Variants in DACT1 observed in about 807,000 individuals in gnomAD.
DACT1 encodes the protein dapper homolog 1.
In DACT1, 19 loss-of-function variants were observed where a neutral mutation model predicts 35.3. The observed-to-expected ratio is 0.54, with a 90% CI of 0.38 to 0.79. The LOEUF (loss-of-function observed/expected upper bound fraction) is 0.79. Ranked by LOEUF, DACT1 falls within the 30% of genes least tolerant of loss-of-function variation. DACT1 has a pLI of 0.00. For synonymous variants in DACT1, 545 were observed against 466.7 expected, an observed-to-expected ratio of 1.17 and a Z score of -2.16; for missense variants, 1,143 against 1,057.5, an observed-to-expected ratio of 1.08 and a Z score of -1.12.
chr14:58,642,202 G>T (rs1387303769), intron 3 of DACT1, among the ~76,000 whole-genome samples: 2 of 152,032 alleles, frequency 1.3e-5, no homozygotes, highest in African/African-American at 4.8e-5. Context: ...ACCAGCCTGG[G>T]TTGGCCCGGT....
chr14:58,638,737 C>T (rs973585715), intron 1 of DACT1, 190 bp downstream of exon 1: 2 of 1,188,774 alleles, frequency 1.7e-6, no homozygotes, highest in Non-Finnish European at 2.1e-6. Context: ...CCGACGCCCA[C>T]GCGTTTCTGG....
upstream of DACT1, among the ~76,000 whole-genome samples, chr14:58,635,030 T>C (rs1029980768): frequency 6.6e-6 from 1 of 152,170 alleles, no homozygotes; most frequent in Non-Finnish European, 1.5e-5. Flanking sequence ...GAGTGTCAAT[T>C]AACAGTTTTT....
chr14:58,637,758 G>C (rs754074849), upstream of DACT1, among the ~76,000 whole-genome samples: 6 of 151,672 alleles, frequency 4.0e-5, no homozygotes, highest in East Asian at 1.9e-4. Context: ...CCCGCGAAGA[G>C]AGCGGGGGAG....
At chr14:58,642,666 C>G (rs1365612275) in intron 3 of DACT1, among the ~76,000 whole-genome samples, 1 of 152,168 alleles carries the variant, frequency 6.6e-6, no homozygotes, top group Non-Finnish European at 1.5e-5. Context: ...TGCACTCCAG[C>G]CTGGGCAACA....
In DACT1 at chr14:58,645,825, C is replaced by T. The variant is rs776634909; in HGVS notation, c.1091C>T (p.Pro364Leu). The change falls in exon 4 of 4, where the codon CCC becomes CTC. Residue 364 changes from proline to leucine, a missense_variant. Physicochemically the swap from Pro to Leu is moderately conservative, Grantham distance 98. Transcript: ENST00000395153. ...AAGAATTCGAAACAGGCGTGTCTGC[C>T]CTCTGGCGGGATACCTTCTCTGAAC... ...NLKNSKQACL[P>L]SGGIPSLNNG... is the part of the protein sequence containing the mutation. 17 of 1,614,146 alleles carry T rather than the reference C, an allele frequency of 1.1e-5. No homozygotes were observed. The Admixed American group carries it at 2.2e-4, about 21-fold the overall frequency.
chr14:58,647,423 C>T lies in DACT1; in HGVS notation c.*289C>T. On this transcript the variant is annotated 3_prime_UTR_variant, in exon 4 of 4. Coordinates refer to ENST00000395153, the MANE Select transcript of DACT1 (RefSeq NM_001079520.2). ...TATTTTAAACTTTCTGAGCATCCGG[C>T]AAGGTACAGGTTTTGATGTTCAAGT... 1 of 395,336 alleles carries T rather than the reference C, an allele frequency of 2.5e-6. No individual in the cohort carries two copies. Among genetic ancestry groups the T allele is most frequent in the Non-Finnish European group, 4.7e-6 (1 of 212,904 alleles). The allele number at this position is 395,336 out of a possible 1,614,324, so 24.5% of individuals were successfully genotyped here.
chr14:58,639,354 T>G (rs1003714203), intron 1 of DACT1: 1 of 774,674 alleles, frequency 1.3e-6, no homozygotes, highest in Non-Finnish European at 1.6e-6. Flanking sequence ...TGTAGCTTAA[T>G]GTATTGATGA....
rs1206194152 is a variant in DACT1, at chr14:58,638,164, C to T, written c.-39C>T. 2.0e-4 allele frequency: 256 copies of T among 1,268,100 alleles called. 2 individuals carry two copies. The highest frequency in any genetic ancestry group is 1.1e-5 in the Non-Finnish European group (11 of 1,007,408). 78.6% of individuals were successfully genotyped at this position (1,268,100 alleles called of 1,614,324 possible). The stretch of plus-strand genomic sequence containing the variant: ...CGCCCTGCTCCTCCGCCTGGGCGGC[C>T]CGGCTGCGGTGACGGCTCTCGCTGC... On this transcript the variant is annotated 5_prime_UTR_variant, in exon 1 of 4. Coordinates refer to ENST00000395153, the MANE Select transcript of DACT1 (RefSeq NM_001079520.2).
Position 58,638,342 on chromosome 14 carries a change from G to C in DACT1, c.140G>C (p.Arg47Pro). Residue 47 changes from arginine to proline, a missense_variant, in exon 1 of 4, where the codon CGG (arginine) becomes CCG (proline). By Grantham distance (103) the Arg-to-Pro change is moderately radical (BLOSUM62 -2). Around this residue, in one of 3 missense-constraint regions of DACT1, gnomAD observed 85 missense variants for 81.8 expected, o/e 1.04. Transcript: ENST00000395153. ...ACCGAGCGGCAGCGCACCCGGGAGC[G>C]GCAGGAGGCCACGCTGGCCGGGCTG... ...ADTERQRTRE[R>P]QEATLAGLAE... is the part of the protein sequence containing the mutation. 34 of 1,311,972 alleles carry C rather than the reference G, an allele frequency of 2.6e-5. No homozygotes were observed. The highest frequency in any genetic ancestry group is 3.3e-5 in the Non-Finnish European group (34 of 1,035,668). 81.3% of individuals were successfully genotyped at this position (1,311,972 alleles called of 1,614,324 possible). A position where few individuals can be genotyped will look rare whatever the true frequency, so the allele number is the denominator to read the frequency against.
chr14:58,639,304 T>C, intron 1 of DACT1: 2 of 974,264 alleles, frequency 2.1e-6, no homozygotes, highest in Non-Finnish European at 2.4e-6. Flanking sequence ...TGTCTCAGTC[T>C]TTCTATGCAG....
At position 58,641,625 on chromosome 14, in the gene DACT1, C is replaced by T; in HGVS notation, c.512C>T (p.Ser171Phe). The change falls in exon 3 of 4, where the codon TCC becomes TTC. Residue 171 changes from serine (S) to phenylalanine (F), a missense_variant. This residue lies in a region of DACT1 where 1,054 missense variants were observed against 958.8 expected (regional missense o/e 1.10). Transcript: ENST00000395153. ...FYELSDGASGSLSNSSNSVFS... is the reference protein window; with the variant it reads ...FYELSDGASGFLSNSSNSVFS... ...GAGCTGAGTGATGGGGCTTCAGGAT[C>T]CCTTTCCAATTCCTCTAACTCGGTG... is the stretch of plus-strand genomic sequence containing the variant. 1 of 1,614,124 alleles carries T rather than the reference C, an allele frequency of 6.2e-7. No homozygotes were observed. Among genetic ancestry groups the T allele is most frequent in the Non-Finnish European group, 8.5e-7 (1 of 1,180,014 alleles).
In DACT1 at chr14:58,646,711, C is replaced by T. The variant is rs147992151; in HGVS notation, c.1977C>T (p.Arg659=). ...AAGAGGCCCTGAGGAGGGCCCGGCG[C>T]GGTCGCCGGGAGAATGTGGGGCTGT... The part of the protein sequence containing the change: ...SYEEALRRAR[R]GRRENVGLYP... The change falls in exon 4 of 4, where the codon CGC becomes CGT. Residue 659 remains arginine, a synonymous_variant. Transcript: ENST00000395153. 196 of 1,613,280 alleles carry T rather than the reference C, an allele frequency of 1.2e-4. No individual in the cohort carries two copies. The highest frequency in any genetic ancestry group is 6.8e-4 in the South Asian group (62 of 91,072).
upstream of DACT1, among the ~76,000 whole-genome samples, chr14:58,637,476 T>A (rs891370654): frequency 6.6e-6 from 1 of 152,218 alleles, no homozygotes; most frequent in Non-Finnish European, 1.5e-5. Flanking sequence ...ATACCTTGCT[T>A]GGGAAGTGAA....
At chr14:58,642,912 C>T (rs1330657954) in intron 3 of DACT1, among the ~76,000 whole-genome samples, 1 of 152,202 alleles carries the variant, frequency 6.6e-6, no homozygotes, top group African/African-American at 2.4e-5. Flanking sequence ...TGCTATTGTA[C>T]TAGAAGAGTT....
At chr14:58,645,316 A>C in intron 3 of DACT1, 53 bp from the exon 4 acceptor site, 5 of 1,614,226 alleles carry the variant, frequency 3.1e-6, no homozygotes, top group Non-Finnish European at 4.2e-6. Flanking sequence ...CCTCAGGGGC[A>C]GTTTGCCGTT....
chr14:58,643,036 T>C (rs2047642189), intron 3 of DACT1, among the ~76,000 whole-genome samples: 1 of 152,170 alleles, frequency 6.6e-6, no homozygotes, highest in African/African-American at 2.4e-5. Flanking sequence ...ATTTTATGTA[T>C]TAAAAAAATG....
At chr14:58,637,807 C>A (rs1005145372), upstream of DACT1, among the ~76,000 whole-genome samples, 5 of 148,730 alleles carry the variant, frequency 3.4e-5, no homozygotes, top group African/African-American at 1.2e-4. Context: ...GAGGGCCGAG[C>A]GAGGAGGAGG....
upstream of DACT1, among the ~76,000 whole-genome samples, chr14:58,634,388 G>A (rs1385349911): frequency 6.6e-6 from 1 of 152,212 alleles, no homozygotes; most frequent in East Asian, 1.9e-4. Context: ...TTGCTACCAC[G>A]CTTCTTTTTT....
Position 58,645,622 on chromosome 14 carries a change from A to G in DACT1, c.888A>G (p.Ser296=), listed in dbSNP as rs2140218351. 1 of 1,614,114 alleles carries G rather than the reference A, an allele frequency of 6.2e-7. No individual in the cohort carries two copies. The highest frequency in any genetic ancestry group is 8.5e-7 in the Non-Finnish European group (1 of 1,180,026). The change falls in exon 4 of 4, where the codon TCA becomes TCG. Residue 296 remains serine, a synonymous_variant. Coordinates refer to ENST00000395153, the MANE Select transcript of DACT1 (RefSeq NM_001079520.2). The part of the protein sequence containing the change: ...PSSLWSASHP[S]SSKKMDGYIL... The stretch of plus-strand genomic sequence containing the variant: ...GTCTGTGGTCTGCTTCCCATCCTTC[A>G]TCCAGCAAGAAAATGGATGGCTACA...
Sources: allele counts gnomAD v4.1 joint callset (sites outside exome capture counted in the v4.1 genomes callset), GRCh38; gene constraint gnomAD v4.1.1; regional missense constraint gnomAD v4.1.1; transcripts MANE v1.5; gene names NCBI Gene and HGNC (gene_info 2026-07-23, HGNC 2026-07-21).